Variants in PLS3 observed in about 807,000 individuals in gnomAD.
PLS3 encodes plastin-3.
Under a neutral mutation model 46.5 loss-of-function variants are expected in PLS3, and 11 were observed. That is an observed-to-expected ratio of 0.24 (90% CI 0.15 to 0.39). The LOEUF (loss-of-function observed/expected upper bound fraction) is 0.39. PLS3 is among the 10% of genes least tolerant of loss of function. The pLI is 1.00. For synonymous variants in PLS3, 167 were observed against 162.2 expected, an observed-to-expected ratio of 1.03 and a Z score of -0.22; for missense variants, 308 against 461.8, an observed-to-expected ratio of 0.67 and a Z score of 3.05.
rs7056096 is a variant in PLS3, at chrX:115,637,278, C to G, written c.891+300C>G. On this transcript the variant is annotated intron_variant, in intron 8 of 15. Coordinates refer to ENST00000355899, the MANE Select transcript of PLS3 (RefSeq NM_005032.7). ...TAGGACATGACTATTCTATTCTTAA[C>G]TGCCTTTCCCAAGCCTCAGTGTACC... Among the ~76,000 whole-genome samples the G allele has an allele frequency of 4.1e-3, 460 of 111,843 alleles. 7 individuals are homozygous for G. The highest frequency in any genetic ancestry group is 0.015 in the African/African-American group (451 of 30,801).
At chrX:115,627,566 C>T (rs868943168) in intron 3 of PLS3, among the ~76,000 whole-genome samples, 1 of 112,097 alleles carries the variant, frequency 8.9e-6, no homozygotes, top group Non-Finnish European at 1.9e-5. Flanking sequence ...CACAGTTGGA[C>T]TAAAAAATCA....
At chrX:115,633,659 T>A (rs1159568779) in intron 5 of PLS3, among the ~76,000 whole-genome samples, 6 of 109,549 alleles carry the variant, frequency 5.5e-5, no homozygotes, top group African/African-American at 1.7e-4. Flanking sequence ...CCCGGCTAAT[T>A]TTTTTATCGT....
intron 2 of PLS3, chrX:115,611,042 G>C (rs1556636038): frequency 5.0e-6 from 2 of 403,885 alleles, no homozygotes; most frequent in East Asian, 4.1e-5. Flanking sequence ...TGTGCTTAGA[G>C]AGGTAGATTA....
intron 1 of PLS3, among the ~76,000 whole-genome samples, chrX:115,605,499 A>G (rs1556635176): frequency 9.0e-6 from 1 of 111,494 alleles, no homozygotes; most frequent in East Asian, 2.8e-4. Flanking sequence ...TCTGTCACCC[A>G]TCCTGGAGTG....
At chrX:115,592,541 C>T (rs191246576) in intron 1 of PLS3, among the ~76,000 whole-genome samples, 1 of 111,619 alleles carries the variant, frequency 9.0e-6, no homozygotes, top group East Asian at 2.8e-4. Context: ...ACGGCCTCTT[C>T]AGCCTAGCCC....
chrX:115,640,211 C>T, intron 8 of PLS3, 197 bp from the exon 9 acceptor site: 2 of 775,821 alleles, frequency 2.6e-6, no homozygotes, highest in Non-Finnish European at 3.8e-6. Flanking sequence ...TGTCAAAATC[C>T]AGTTCATCCA....
At position 115,598,682 on chromosome X, in the gene PLS3, TAA is replaced by T. The variant is rs782407834; in HGVS notation, c.-8-11560_-8-11559del. Among the ~76,000 whole-genome samples, 7 of 112,370 alleles carry T rather than the reference TAA, an allele frequency of 6.2e-5. No individual in the cohort carries two copies. In the South Asian group the frequency reaches 2.6e-3, roughly 41 times the overall value. ...TTGAGTGTTTGTTTTATATTAAGACTAAGTTATTAGCACTGATACAATGGGAG... is the reference window on the plus strand; with the variant it reads ...TTGAGTGTTTGTTTTATATTAAGACTGTTATTAGCACTGATACAATGGGAG... On this transcript the variant is annotated intron_variant, in intron 1 of 15. Coordinates refer to ENST00000355899, the MANE Select transcript of PLS3 (RefSeq NM_005032.7).
intron 2 of PLS3, among the ~76,000 whole-genome samples, chrX:115,615,519 G>GAT (rs1569528013): frequency 1.9e-5 from 2 of 106,131 alleles, no homozygotes; most frequent in East Asian, 5.9e-4. Flanking sequence ...GAGAGAGAGA[G>GAT]AGAGAGAGAG....
At chrX:115,619,387 T>C (rs1414616640) in intron 2 of PLS3, among the ~76,000 whole-genome samples, 3 of 112,148 alleles carry the variant, frequency 2.7e-5, no homozygotes, top group African/African-American at 9.7e-5. Flanking sequence ...TTAGAAAGGA[T>C]GTAGGAAAAA....
intron 5 of PLS3, among the ~76,000 whole-genome samples, chrX:115,630,989 G>A (rs1202078610): frequency 1.1e-5 from 1 of 94,359 alleles, no homozygotes; most frequent in Non-Finnish European, 2.0e-5. Flanking sequence ...TATAATATAT[G>A]TATATATACG....
intron 1 of PLS3, 68 bp downstream of exon 1, chrX:115,561,328 C>G: frequency 9.0e-6 from 1 of 110,538 alleles, no homozygotes; most frequent in Non-Finnish European, 1.9e-5. Flanking sequence ...AGGAGTGGGT[C>G]CCGGGGAGAG....
At chrX:115,601,055 G>A (rs1311468358) in intron 1 of PLS3, among the ~76,000 whole-genome samples, 2 of 111,109 alleles carry the variant, frequency 1.8e-5, no homozygotes, top group African/African-American at 6.6e-5. Context: ...TGAGAGTACT[G>A]GGAAGATAAA....
At chrX:115,592,699 C>T (rs1435660766) in intron 1 of PLS3, among the ~76,000 whole-genome samples, 1 of 111,743 alleles carries the variant, frequency 8.9e-6, no homozygotes, top group East Asian at 2.8e-4. Context: ...ACTTACCATG[C>T]GCCAGACTAT....
At chrX:115,644,511 C>G (rs902487819) in intron 10 of PLS3, among the ~76,000 whole-genome samples, 2 of 110,474 alleles carry the variant, frequency 1.8e-5, no homozygotes, top group Non-Finnish European at 3.8e-5. Context: ...GCAGGAGAAT[C>G]CCTTGAACCT....
chrX:115,610,228 T>C lies in PLS3; in HGVS notation c.-8-15T>C. The C allele has an allele frequency of 2.0e-6, 2 of 1,001,887 alleles. No homozygotes were observed. The allele number at this position is 1,001,887 out of a possible 1,213,427, so 82.6% of individuals were successfully genotyped here. A position where few individuals can be genotyped will look rare whatever the true frequency, so the allele number is the denominator to read the frequency against. ...CAATTTTTTAAAGTCTGAAACGTTT[T>C]TGGTTTTTCTTTAGATCTTTAAATG... On this transcript the variant is annotated splice_polypyrimidine_tract_variant and intron_variant, in intron 1 of 15. Coordinates refer to ENST00000355899, the MANE Select transcript of PLS3 (RefSeq NM_005032.7).
chrX:115,629,330 A>G lies in PLS3; in HGVS notation c.367+3A>G. ...AGGAACACAGCATTCTTACTCAGGT[A>G]ATCATTTTATATGCAATAGGTTAAC... On this transcript the variant is annotated splice_donor_region_variant and intron_variant, in intron 4 of 15. Transcript: ENST00000355899. The G allele has an allele frequency of 8.3e-7, 1 of 1,200,101 alleles. No individual in the cohort carries two copies. Among genetic ancestry groups the G allele is most frequent in the Non-Finnish European group, 1.1e-6 (1 of 887,707 alleles).
intron 2 of PLS3, among the ~76,000 whole-genome samples, chrX:115,617,245 T>G (rs1394950414): frequency 8.9e-6 from 1 of 111,848 alleles, no homozygotes; most frequent in African/African-American, 3.2e-5. Flanking sequence ...AAAGAGATCC[T>G]GACCAGAGAG....
intron 1 of PLS3, among the ~76,000 whole-genome samples, chrX:115,596,759 C>T (rs1017226258): frequency 8.1e-5 from 9 of 110,535 alleles, no homozygotes; most frequent in African/African-American, 3.0e-4. Flanking sequence ...ATCGCTTGAA[C>T]CCAGGAGTCG....
At chrX:115,605,938 A>G (rs1359526842) in intron 1 of PLS3, among the ~76,000 whole-genome samples, 1 of 110,103 alleles carries the variant, frequency 9.1e-6, no homozygotes, top group Non-Finnish European at 1.9e-5. Context: ...CGCAGATTGT[A>G]AATTCCTTGA....
Sources: gnomAD v4.1 joint callset for allele counts (sites outside exome capture counted in the v4.1 genomes callset) on GRCh38, gnomAD v4.1.1 for gene constraint, MANE v1.5 for transcripts, NCBI Gene and HGNC (gene_info 2026-07-23, HGNC 2026-07-21) for gene names.